DLGAP1: variants seen among roughly 807,000 people sequenced by gnomAD.
DLGAP1 encodes the protein disks large-associated protein 1.
DLGAP1 carries 11 observed loss-of-function variants against 90.8 expected under a neutral mutation model. The observed-to-expected ratio is 0.12, with a 90% confidence interval of 0.08 to 0.20. The LOEUF (loss-of-function observed/expected upper bound fraction) is 0.20. DLGAP1 is among the 10% of genes least tolerant of loss of function. The pLI is 1.00. For missense variants in DLGAP1, 1,050 were observed against 1,333.8 expected (o/e 0.79, Z 3.31); for synonymous variants, 558 against 540.7 (o/e 1.03, Z -0.44).
chr18:3,925,762 A>C (rs1248363867), intron 3 of DLGAP1, among the ~76,000 whole-genome samples: 1 of 152,240 alleles, frequency 6.6e-6, no homozygotes, highest in Non-Finnish European at 1.5e-5. Context: ...ACATTCAGGA[A>C]AGAACTCAAA....
intron 7 of DLGAP1, among the ~76,000 whole-genome samples, chr18:3,690,736 CTT>C (rs1355960165): frequency 6.6e-6 from 1 of 152,126 alleles, no homozygotes; most frequent in Non-Finnish European, 1.5e-5. Context: ...AATGTCTATT[CTT>C]TTTTTGTTTT....
chr18:3,926,573 T>C lies in DLGAP1; in HGVS notation c.-72-46433A>G, dbSNP rs540098846. On this transcript the variant is annotated intron_variant, in intron 3 of 12. Transcript: ENST00000315677. ...CTCTCTCTATACATATGTGTGTATATATATATACACATATATAGATAGATA... is the reference window on the plus strand; with the variant it reads ...CTCTCTCTATACATATGTGTGTATACATATATACACATATATAGATAGATA... Among the ~76,000 whole-genome samples, 170 of 152,124 alleles carry C rather than the reference T, an allele frequency of 1.1e-3. 1 individual carries two copies. The highest frequency in any genetic ancestry group is 1.9e-4 in the Non-Finnish European group (13 of 67,994).
In DLGAP1 at chr18:3,561,266, CAAA is replaced by C. The variant is rs71159092; in HGVS notation, c.2057+6221_2057+6223del. Among the ~76,000 whole-genome samples the C allele has an allele frequency of 6.3e-5, 7 of 110,478 alleles. 1 individual carries two copies. The highest frequency in any genetic ancestry group is 5.1e-4 in the East Asian group (2 of 3,896). The allele number at this position is 110,478 out of a possible 152,430, so 72.5% of individuals were successfully genotyped here. On this transcript the variant is annotated intron_variant, in intron 9 of 12. Transcript: ENST00000315677. ...CACCGTCTCTACTAAAAAAAAAAAA[CAAA>C]AAAAAAAAAACAAACAAAAAATAGC...
Position 3,775,877 on chromosome 18 carries a change from A to G in DLGAP1, c.1173-33365T>C, listed in dbSNP as rs1049158696. 1.3e-5 allele frequency among the ~76,000 whole-genome samples: 2 copies of G among 152,154 alleles called. No homozygotes were observed. The highest frequency in any genetic ancestry group is 2.9e-5 in the Non-Finnish European group (2 of 68,030). ...GAGATAAACAACCCTGGCTTCTGAT[A>G]CCATAGATTCGTTTGGTCTGTTTTT... On this transcript the variant is annotated intron_variant, in intron 5 of 12. Transcript: ENST00000315677. This position sits in a 1 kb window ranked among gnomAD's most constrained non-coding sequence, Gnocchi z 4.9.
chr18:4,250,309 T>C (rs2078754358), intron 1 of DLGAP1, among the ~76,000 whole-genome samples: 3 of 152,214 alleles, frequency 2.0e-5, no homozygotes, highest in South Asian at 4.1e-4. Flanking sequence ...TTGGTATTTA[T>C]AATTTGAGGT....
intron 3 of DLGAP1, among the ~76,000 whole-genome samples, chr18:3,895,006 G>A (rs1401986568): frequency 1.3e-5 from 2 of 152,142 alleles, no homozygotes; most frequent in South Asian, 2.1e-4. Context: ...GGTTTTTACT[G>A]TCGAGATGTT....
chr18:3,709,280 A>G (rs1054965969), intron 7 of DLGAP1, among the ~76,000 whole-genome samples: 10 of 152,298 alleles, frequency 6.6e-5, no homozygotes, highest in African/African-American at 2.4e-4. Context: ...TGCTGGCCCA[A>G]TCTGCCTCCA....
At chr18:3,678,324 C>T (rs1035875416) in intron 7 of DLGAP1, among the ~76,000 whole-genome samples, 3 of 152,058 alleles carry the variant, frequency 2.0e-5, no homozygotes, top group East Asian at 3.9e-4. Context: ...TTTGATGATT[C>T]CTTCTGCTTG....
intron 7 of DLGAP1, among the ~76,000 whole-genome samples, chr18:3,651,599 C>A (rs1201950786): frequency 6.6e-6 from 1 of 151,928 alleles, no homozygotes. Context: ...TTGAGACCAG[C>A]CTGGCCAACA....
intron 7 of DLGAP1, among the ~76,000 whole-genome samples, chr18:3,694,755 A>C (rs1598377280): frequency 6.6e-6 from 1 of 152,190 alleles, no homozygotes; most frequent in Admixed American, 6.5e-5. Flanking sequence ...AATTTGCTTA[A>C]GTTCCTTGTA....
intron 2 of DLGAP1, among the ~76,000 whole-genome samples, chr18:4,014,170 C>T (rs943395492): frequency 1.2e-4 from 18 of 150,748 alleles, no homozygotes; most frequent in Admixed American, 3.3e-4. Context: ...ACTGCAACCT[C>T]CACCTCCCAG....
intron 7 of DLGAP1, among the ~76,000 whole-genome samples, chr18:3,635,244 C>T (rs1427946422): frequency 6.6e-6 from 1 of 151,958 alleles, no homozygotes; most frequent in Non-Finnish European, 1.5e-5. Flanking sequence ...CATTCTCCTG[C>T]CTCAGCCTCC....
At chr18:4,008,759 T>C (rs1032279561) in intron 2 of DLGAP1, among the ~76,000 whole-genome samples, 3 of 152,254 alleles carry the variant, frequency 2.0e-5, no homozygotes, top group Admixed American at 2.0e-4. Flanking sequence ...AATATGTTGC[T>C]TTTTTGTATT....
At chr18:4,150,999 T>C (rs1027917773) in intron 2 of DLGAP1, among the ~76,000 whole-genome samples, 181 bp downstream of exon 2, 1 of 152,196 alleles carries the variant, frequency 6.6e-6, no homozygotes, top group Non-Finnish European at 1.5e-5. Flanking sequence ...GCTAGGAAGT[T>C]AAAAAACACA....
intron 12 of DLGAP1, chr18:3,502,225 G>A (rs987483286): frequency 6.8e-6 from 9 of 1,327,802 alleles, no homozygotes; most frequent in Non-Finnish European, 8.6e-6. Flanking sequence ...GACTAAAATG[G>A]TTTAACTTAA....
At chr18:3,628,220 C>A (rs1373709151) in intron 7 of DLGAP1, among the ~76,000 whole-genome samples, 2 of 143,504 alleles carry the variant, frequency 1.4e-5, no homozygotes, top group Non-Finnish European at 1.5e-5. Context: ...GACGGAGTCT[C>A]GCTCTGTCAC....
intron 5 of DLGAP1, among the ~76,000 whole-genome samples, chr18:3,807,041 G>A (rs1181688738): frequency 6.6e-6 from 1 of 152,334 alleles, no homozygotes; most frequent in East Asian, 1.9e-4. Flanking sequence ...GCCTTCTGCA[G>A]CTCTGATCCT....
At chr18:4,451,046 T>C (rs990982361) in intron 1 of DLGAP1, among the ~76,000 whole-genome samples, 37 of 152,288 alleles carry the variant, frequency 2.4e-4, no homozygotes, top group African/African-American at 8.7e-4. Flanking sequence ...CCAGTAATCA[T>C]TAACTCCTAT....
intron 12 of DLGAP1, chr18:3,502,256 C>T (rs1352730734): frequency 5.2e-6 from 7 of 1,344,310 alleles, no homozygotes; most frequent in African/African-American, 1.5e-5. Flanking sequence ...ACAAAAAAAG[C>T]CACATTCCCA....
Sources: allele counts gnomAD v4.1 joint callset (sites outside exome capture counted in the v4.1 genomes callset), GRCh38; gene constraint gnomAD v4.1.1; non-coding constraint Gnocchi (gnomAD v3.1); transcripts MANE v1.5; gene names NCBI Gene and HGNC (gene_info 2026-07-23, HGNC 2026-07-21).